The following DAB1 variants were observed in gnomAD, a reference collection of about 807,000 sequenced individuals.
The protein encoded by DAB1 is DAB adaptor protein 1, also known as disabled homolog 1.
Under a neutral mutation model 64.6 loss-of-function variants are expected in DAB1, and 15 were observed. That is an observed-to-expected ratio of 0.23 (90% CI 0.16 to 0.36). The LOEUF (loss-of-function observed/expected upper bound fraction) is 0.36, where lower values mean the gene tolerates loss of function less well. DAB1 is among the 10% of genes least tolerant of loss of function. The probability of loss-of-function intolerance (pLI) is 1.00; values close to 1 mark genes in which losing one functional copy is unlikely to be tolerated. For missense variants in DAB1, 596 were observed against 706.7 expected (o/e 0.84, Z 1.78); for synonymous variants, 235 against 251.9 (o/e 0.93, Z 0.64).
chr1:57,777,918 T>C (rs1649892374), intron 6 of DAB1, among the ~76,000 whole-genome samples: 1 of 152,104 alleles, frequency 6.6e-6, no homozygotes. Flanking sequence ...GAAGTTCATT[T>C]TGGCAGTTTC....
intron 5 of DAB1, among the ~76,000 whole-genome samples, chr1:58,005,750 T>C (rs1646573379): frequency 6.6e-6 from 1 of 152,034 alleles, no homozygotes; most frequent in Non-Finnish European, 1.5e-5. Flanking sequence ...TAATTAATAA[T>C]AATAATAGTG....
rs544139890 is a variant in DAB1, at chr1:58,409,816, A to G, written n.258-66413T>C. Reference sequence around the variant, plus strand: ...GCACTGGCTAGGATTTCTCTCACTGAGGGTCCTGTTTAGCCAAGGGACCTG... The same window carrying G: ...GCACTGGCTAGGATTTCTCTCACTGGGGGTCCTGTTTAGCCAAGGGACCTG... On this transcript the variant is annotated intron_variant and non_coding_transcript_variant, in intron 3 of 20. Transcript: ENST00000485760. Among the ~76,000 whole-genome samples the G allele has an allele frequency of 3.3e-5, 5 of 152,322 alleles. No homozygotes were observed. In the South Asian group the frequency reaches 1.0e-3, roughly 32 times the overall value.
intron 5 of DAB1, among the ~76,000 whole-genome samples, chr1:58,082,159 A>T (rs895604672): frequency 5.9e-5 from 9 of 152,274 alleles, no homozygotes; most frequent in African/African-American, 1.9e-4. Flanking sequence ...TCCCAGCAAC[A>T]CGAAACTATA....
In DAB1 at chr1:57,124,769, A is replaced by G. The variant is rs138605529; in HGVS notation, c.306+11774T>C. 5.4e-4 allele frequency among the ~76,000 whole-genome samples: 83 copies of G among 152,294 alleles called. 1 individual carries two copies. In the East Asian group the frequency reaches 0.016, roughly 29 times the overall value. On this transcript the variant is annotated intron_variant, in intron 4 of 14. Transcript: ENST00000371236. ...GACTGAGAATTGGGGTGATCACAAT[A>G]GAAATATTTGGCTGAAGCCATAATA...
At chr1:58,497,250 T>C (rs1435216730) in intron 3 of DAB1, among the ~76,000 whole-genome samples, 1 of 152,190 alleles carries the variant, frequency 6.6e-6, no homozygotes, top group East Asian at 1.9e-4. Context: ...AGGGGGGTAC[T>C]GTCCTAAAGT....
At chr1:57,689,645 A>T (rs1195987403) in intron 6 of DAB1, among the ~76,000 whole-genome samples, 1 of 152,186 alleles carries the variant, frequency 6.6e-6, no homozygotes, top group Non-Finnish European at 1.5e-5. Flanking sequence ...GGTAAACAGT[A>T]GGTACATAAA....
intron 4 of DAB1, among the ~76,000 whole-genome samples, chr1:58,245,001 C>T (rs1190088801): frequency 6.6e-6 from 1 of 152,212 alleles, no homozygotes; most frequent in Non-Finnish European, 1.5e-5. Context: ...TTAACCATGT[C>T]ATCAGGTTTT....
intron 1 of DAB1, among the ~76,000 whole-genome samples, chr1:57,337,858 TTTCCCTTCCCTCCCCTCCCCTCCC>T (rs1677208661): frequency 6.7e-6 from 1 of 149,928 alleles, no homozygotes; most frequent in African/African-American, 2.5e-5. Context: ...TCCCTTTCCC[TTTCCCTTCCCTCCCCTCCCCTCCC>T]TTCCCTTCCC....
chr1:57,376,405 TA>T (rs1327522347), intron 1 of DAB1, among the ~76,000 whole-genome samples: 1 of 152,198 alleles, frequency 6.6e-6, no homozygotes, highest in Non-Finnish European at 1.5e-5. Context: ...CTCATGTAAG[TA>T]AAAACTCTGT....
intron 7 of DAB1, among the ~76,000 whole-genome samples, chr1:57,619,824 G>C (rs1435572725): frequency 6.6e-6 from 1 of 152,096 alleles, no homozygotes; most frequent in Non-Finnish European, 1.5e-5. Flanking sequence ...TGGGAAAATG[G>C]AGGTCAGGGA....
intron 9 of DAB1, among the ~76,000 whole-genome samples, chr1:57,057,889 T>C (rs1288240642): frequency 2.0e-5 from 3 of 152,150 alleles, no homozygotes; most frequent in South Asian, 2.1e-4. Context: ...ATTACAGGCA[T>C]GAGCCACCGC....
chr1:57,204,431 TA>T (rs946377256), intron 2 of DAB1, among the ~76,000 whole-genome samples: 4 of 69,822 alleles, frequency 5.7e-5, no homozygotes, highest in African/African-American at 2.3e-4. Flanking sequence ...GAACACAAAA[TA>T]AAAACACTGG....
intron 4 of DAB1, among the ~76,000 whole-genome samples, chr1:58,226,104 C>T (rs1012014891): frequency 2.6e-5 from 4 of 152,164 alleles, no homozygotes; most frequent in African/African-American, 9.7e-5. Context: ...ATACCTCTGG[C>T]TCTGCCAGCA....
intron 9 of DAB1, among the ~76,000 whole-genome samples, chr1:57,062,633 G>A (rs963668323): frequency 3.9e-5 from 6 of 152,260 alleles, no homozygotes; most frequent in African/African-American, 7.2e-5. Context: ...AGTAGTTCAC[G>A]TGATTCAACT....
intron 5 of DAB1, among the ~76,000 whole-genome samples, chr1:58,011,313 T>C (rs1646665130): frequency 6.6e-6 from 1 of 152,270 alleles, no homozygotes; most frequent in African/African-American, 2.4e-5. Context: ...TGTACTTTTA[T>C]AAATGAAATT....
intron 7 of DAB1, among the ~76,000 whole-genome samples, chr1:57,565,887 G>C (rs1645114232): frequency 6.6e-6 from 1 of 152,074 alleles, no homozygotes; most frequent in South Asian, 2.1e-4. Context: ...AGTTAACAAG[G>C]ATATCCAGGA....
intron 3 of DAB1, among the ~76,000 whole-genome samples, chr1:58,385,085 A>G (rs1023888029): frequency 5.3e-5 from 8 of 152,240 alleles, no homozygotes; most frequent in African/African-American, 1.9e-4. Flanking sequence ...TGTTCTTACT[A>G]TAAAAACAAG....
At chr1:57,141,602 A>T (rs1464132613) in intron 3 of DAB1, among the ~76,000 whole-genome samples, 1 of 152,186 alleles carries the variant, frequency 6.6e-6, no homozygotes, top group African/African-American at 2.4e-5. Context: ...TCATTAAAGT[A>T]TCCTCATCTG....
In DAB1 at chr1:57,580,311, G is replaced by C. The variant is rs185444878; in HGVS notation, n.625+69281C>G. 2.7e-3 allele frequency among the ~76,000 whole-genome samples: 408 copies of C among 152,194 alleles called. 1 individual carries two copies. Among genetic ancestry groups the C allele is most frequent in the African/African-American group, 9.3e-3 (385 of 41,542 alleles). On this transcript the variant is annotated intron_variant and non_coding_transcript_variant, in intron 7 of 20. Transcript: ENST00000485760. ...ATATTACAAATGGTCATCCCATTCT[G>C]CTTGTACATCTCCGGGGAGACAAAG...
Sources: allele counts gnomAD v4.1 joint callset (sites outside exome capture counted in the v4.1 genomes callset), GRCh38; gene constraint gnomAD v4.1.1; transcripts MANE v1.5; gene names NCBI Gene and HGNC (gene_info 2026-07-23, HGNC 2026-07-21).